SLC29A3: variants seen among roughly 807,000 people sequenced by gnomAD.
SLC29A3 encodes equilibrative nucleoside transporter 3.
Under a neutral mutation model 25.4 loss-of-function variants are expected in SLC29A3, and 18 were observed. The observed-to-expected ratio is 0.71, with a 90% confidence interval of 0.49 to 1.05. SLC29A3 has a LOEUF of 1.05. SLC29A3 is among the 50% of genes least tolerant of loss of function. SLC29A3 has a pLI of 0.00. For synonymous variants in SLC29A3, 258 were observed against 267.1 expected, an observed-to-expected ratio of 0.97 and a Z score of 0.33; for missense variants, 586 against 609.0, an observed-to-expected ratio of 0.96 and a Z score of 0.40.
intron 3 of SLC29A3, among the ~76,000 whole-genome samples, chr10:71,346,646 A>G (rs1846591599): frequency 6.6e-6 from 1 of 152,222 alleles, no homozygotes; most frequent in South Asian, 2.1e-4. Context: ...TCAAGTCTGC[A>G]GTGAGCTATG....
downstream of SLC29A3, chr10:71,364,576 A>G (rs1847150518): frequency 6.6e-6 from 1 of 152,192 alleles, no homozygotes; most frequent in African/African-American, 2.4e-5. Context: ...ACTTACCCCC[A>G]AGATGTGGCA....
intron 4 of SLC29A3, among the ~76,000 whole-genome samples, chr10:71,377,423 G>A (rs1316348746): frequency 6.6e-6 from 1 of 152,236 alleles, no homozygotes; most frequent in Non-Finnish European, 1.5e-5. Context: ...GCCAGGGACT[G>A]GACCGCCCCC....
intron 3 of SLC29A3, among the ~76,000 whole-genome samples, chr10:71,349,713 C>T (rs528072342): frequency 2.6e-5 from 4 of 152,322 alleles, no homozygotes; most frequent in African/African-American, 9.6e-5. Context: ...CTCTCCCCAG[C>T]ATCACCTCTG....
At chr10:71,374,649 G>A (rs1847236323) in intron 3 of SLC29A3, among the ~76,000 whole-genome samples, 1 of 152,128 alleles carries the variant, frequency 6.6e-6, no homozygotes, top group African/African-American at 2.4e-5. Context: ...TCCTCAGCTG[G>A]CAGCGGGAGA....
At chr10:71,358,849 A>C (rs990548094) in intron 5 of SLC29A3, among the ~76,000 whole-genome samples, 5 of 152,238 alleles carry the variant, frequency 3.3e-5, no homozygotes, top group African/African-American at 1.2e-4. Flanking sequence ...AGTCCCTTCC[A>C]GCTGAGCATG....
chr10:71,341,827 G>A (rs1242736583), intron 2 of SLC29A3, among the ~76,000 whole-genome samples: 1 of 152,200 alleles, frequency 6.6e-6, no homozygotes, highest in Non-Finnish European at 1.5e-5. Flanking sequence ...TCACTTCCAA[G>A]CCCACTCCAG....
rs769083926 is a variant in SLC29A3, at chr10:71,351,652, C to T, written c.474C>T (p.Ser158=). The change falls in exon 4 of 6, where the codon TCC becomes TCT. Residue 158 remains serine (S), a synonymous_variant. Coordinates refer to ENST00000373189, the MANE Select transcript of SLC29A3 (RefSeq NM_018344.6). ...VITALVKVDT[S]SWTRGFFAVT... ...CTGCACTGGTGAAGGTGGACACTTC[C>T]TCCTGGACCCGTGGCTTTTTTGCGG... 2 of 1,614,194 alleles carry T rather than the reference C, an allele frequency of 1.2e-6. No individual in the cohort carries two copies. Among genetic ancestry groups the T allele is most frequent in the South Asian group, 1.1e-5 (1 of 91,086 alleles).
intron 3 of SLC29A3, among the ~76,000 whole-genome samples, chr10:71,371,404 C>T (rs548939996): frequency 8.5e-5 from 13 of 152,298 alleles, no homozygotes; most frequent in African/African-American, 3.1e-4. Flanking sequence ...GGGTCTTAAT[C>T]TGGGGCCTCT....
intron 3 of SLC29A3, among the ~76,000 whole-genome samples, chr10:71,345,451 G>A (rs1418608428): frequency 6.6e-6 from 1 of 152,136 alleles, no homozygotes; most frequent in African/African-American, 2.4e-5. Flanking sequence ...GAGGCTGCGT[G>A]GTTTTTACAA....
chr10:71,339,481 G>A (rs1034309647), intron 2 of SLC29A3, among the ~76,000 whole-genome samples: 4 of 152,134 alleles, frequency 2.6e-5, no homozygotes, highest in Non-Finnish European at 4.4e-5. Context: ...CCTCTCCCAC[G>A]TGGGTTTGAG....
rs1393960520 is a variant in SLC29A3, at chr10:71,362,605, C to G, written c.1425C>G (p.Ile475Met). ...GCTCTACCCTCCTGGTGCACCTCAT[C>G]TAGAAGGGAGGACACAAGGACATTG... ...SACSTLLVHLI is the reference protein window; with the variant it reads ...SACSTLLVHLM The change falls in exon 6 of 6, where the codon ATC becomes ATG. Residue 475 changes from isoleucine (I) to methionine (M), a missense_variant. Ile to Met is a conservative substitution (Grantham distance 10, BLOSUM62 1). Transcript: ENST00000373189. 1 of 1,614,156 alleles carries G rather than the reference C, an allele frequency of 6.2e-7. No individual in the cohort carries two copies. Among genetic ancestry groups the G allele is most frequent in the Non-Finnish European group, 8.5e-7 (1 of 1,180,048 alleles).
rs145782719 is a variant in SLC29A3 at position 71,330,600 on chromosome 10, G to A, written c.300+7546G>A. On this transcript the variant is annotated intron_variant, in intron 2 of 5. Coordinates refer to ENST00000373189, the MANE Select transcript of SLC29A3 (RefSeq NM_018344.6). The stretch of plus-strand genomic sequence containing the variant: ...TGGAGGCATGCTCTGTCGCCCTTGG[G>A]CCTTTTGCCCACAGACCCACCTGGC... Among the ~76,000 whole-genome samples the A allele has an allele frequency of 2.6e-5, 4 of 152,334 alleles. No homozygotes were observed. In the East Asian group the frequency reaches 5.8e-4, roughly 22 times the overall value.
At chr10:71,380,412 C>T (rs1479175271) in exon 5 of SLC29A3, 1 of 152,204 alleles carries the variant, frequency 6.6e-6, no homozygotes, top group Non-Finnish European at 1.5e-5. Flanking sequence ...TTTTTCTCAT[C>T]TGTAAAGTGG....
At chr10:71,319,410 C>A in intron 1 of SLC29A3, 100 bp downstream of exon 1, 1 of 533,616 alleles carries the variant, frequency 1.9e-6, no homozygotes, top group South Asian at 2.4e-5. Context: ...CGGCTGCGGG[C>A]TGCCAGGGGA....
downstream of SLC29A3, among the ~76,000 whole-genome samples, chr10:71,366,824 C>T (rs1847174206): frequency 6.6e-6 from 1 of 152,230 alleles, no homozygotes; most frequent in Admixed American, 6.5e-5. Flanking sequence ...CCATGCATGT[C>T]TCCACTTGGT....
chr10:71,379,100 G>A (rs116491400), intron 4 of SLC29A3, among the ~76,000 whole-genome samples: 6,816 of 152,296 alleles, frequency 0.045, 503 homozygotes, highest in African/African-American at 0.15. Context: ...GCCCCCCAAC[G>A]GGGAAACTAG....
chr10:71,349,600 C>T (rs1846694878), intron 3 of SLC29A3, among the ~76,000 whole-genome samples: 2 of 151,998 alleles, frequency 1.3e-5, no homozygotes. Flanking sequence ...CCTGGCTGAC[C>T]ACCTCCCCAG....
intron 2 of SLC29A3, among the ~76,000 whole-genome samples, chr10:71,327,359 A>G (rs566775266): frequency 2.0e-5 from 3 of 152,290 alleles, no homozygotes; most frequent in East Asian, 3.9e-4. Context: ...AATATATCAC[A>G]GGTGTATTGG....
intron 4 of SLC29A3, among the ~76,000 whole-genome samples, chr10:71,353,811 C>T (rs1468819745): frequency 6.6e-6 from 1 of 152,056 alleles, no homozygotes; most frequent in Non-Finnish European, 1.5e-5. Context: ...TTTTTAAACC[C>T]CTCATTTGCA....
Sources: allele counts gnomAD v4.1 joint callset (sites outside exome capture counted in the v4.1 genomes callset), GRCh38; gene constraint gnomAD v4.1.1; transcripts MANE v1.5; gene names NCBI Gene and HGNC (gene_info 2026-07-23, HGNC 2026-07-21).